HGF: variants seen among roughly 807,000 people sequenced by gnomAD.
The protein encoded by HGF is fibroblast-derived tumor cytotoxic factor.
Under a neutral mutation model 111.6 loss-of-function variants are expected in HGF, and 39 were observed. The observed-to-expected ratio is 0.35, with a 90% confidence interval of 0.27 to 0.46. HGF has a LOEUF of 0.46. HGF is among the 20% of genes least tolerant of loss of function. The probability of loss-of-function intolerance (pLI) is 1.00; values close to 1 mark genes in which losing one functional copy is unlikely to be tolerated. For synonymous variants in HGF, 285 were observed against 294.8 expected, an observed-to-expected ratio of 0.97 and a Z score of 0.34; for missense variants, 735 against 910.5, an observed-to-expected ratio of 0.81 and a Z score of 2.48.
At chr7:81,751,284 G>A in intron 5 of HGF, 1 of 984,774 alleles carries the variant, frequency 1.0e-6, no homozygotes, top group Non-Finnish European at 1.2e-6. Context: ...TTTCATCCAT[G>A]TTTCACTTAG....
At chr7:81,751,651 C>T (rs1788510472) in intron 5 of HGF, 2 of 999,564 alleles carry the variant, frequency 2.0e-6, no homozygotes, top group African/African-American at 1.7e-5. Flanking sequence ...CCAGTGATCC[C>T]TTCTTATATT....
chr7:81,761,091 C>G (rs1441247090), intron 2 of HGF, among the ~76,000 whole-genome samples: 1 of 152,108 alleles, frequency 6.6e-6, no homozygotes, highest in Non-Finnish European at 1.5e-5. Context: ...TCCCTTTTCC[C>G]TGCCCTTCCA....
At chr7:81,759,396 T>C (rs1381011859) in intron 2 of HGF, among the ~76,000 whole-genome samples, 1 of 152,236 alleles carries the variant, frequency 6.6e-6, no homozygotes, top group Non-Finnish European at 1.5e-5. Context: ...TATAATGTAA[T>C]TTTTTGGTGA....
At chr7:81,728,446 T>A (rs1265619642) in intron 8 of HGF, among the ~76,000 whole-genome samples, 1 of 152,228 alleles carries the variant, frequency 6.6e-6, no homozygotes, top group Non-Finnish European at 1.5e-5. Context: ...AAAATGTGAA[T>A]GGCAGTGACA....
chr7:81,745,108 G>T lies in HGF; in HGVS notation c.638C>A (p.Thr213Asn), dbSNP rs144136982. The change falls in exon 6 of 18, where the codon ACC becomes AAC. Residue 213 changes from threonine (T) to asparagine (N), a missense_variant. Thr to Asn is a moderately conservative substitution (Grantham distance 65, BLOSUM62 0). Transcript: ENST00000222390. ...IPQCSEVECM[T>N]CNGESYRGLM... is the part of the protein sequence containing the mutation. Reference sequence around the variant, plus strand: ...ACCTCGATAACTCTCCCCATTGCAGGTCATGCATTCAACTAATAAAATTAA... The same window carrying T: ...ACCTCGATAACTCTCCCCATTGCAGTTCATGCATTCAACTAATAAAATTAA... The T allele has an allele frequency of 6.2e-7, 1 of 1,613,722 alleles. No homozygotes were observed.
chr7:81,725,055 C>T (rs1789969166), intron 9 of HGF, among the ~76,000 whole-genome samples: 1 of 152,210 alleles, frequency 6.6e-6, no homozygotes, highest in South Asian at 2.1e-4. Context: ...GAAACAACCA[C>T]TTCATTGGTT....
chr7:81,722,304 C>T (rs1789884784), intron 9 of HGF, among the ~76,000 whole-genome samples: 2 of 151,590 alleles, frequency 1.3e-5, no homozygotes, highest in African/African-American at 4.8e-5. Context: ...GCTGGGATTA[C>T]AGGCATGCAT....
At chr7:81,735,537 T>C (rs1197287201) in intron 7 of HGF, among the ~76,000 whole-genome samples, 1 of 152,124 alleles carries the variant, frequency 6.6e-6, no homozygotes, top group Non-Finnish European at 1.5e-5. Context: ...GTAAAAATTA[T>C]TTTGTAATTG....
chr7:81,752,891 A>G (rs2116131568), intron 4 of HGF, among the ~76,000 whole-genome samples: 1 of 152,178 alleles, frequency 6.6e-6, no homozygotes, highest in Non-Finnish European at 1.5e-5. Flanking sequence ...AACCTTTAAC[A>G]TCTTACACCT....
chr7:81,762,921 T>G (rs1023182595), intron 1 of HGF, 49 bp from the exon 2 acceptor site: 2 of 1,074,640 alleles, frequency 1.9e-6, no homozygotes, highest in African/African-American at 3.1e-5. Context: ...AGAAATGTTT[T>G]TAAGGCTCAT....
rs5745764 is a variant in HGF at position 81,702,917 on chromosome 7, T to C, written c.2011-160A>G. On this transcript the variant is annotated intron_variant, in intron 17 of 17. Transcript: ENST00000222390. ...AAAAATTAGTGTACTAGACATTTGT[T>C]GACTTTCTACTGAATTAGCCAAGAC... 9.5e-3 allele frequency among the ~76,000 whole-genome samples: 1,436 copies of C among 151,880 alleles called. 20 individuals carry two copies. The highest frequency in any genetic ancestry group is 0.033 in the African/African-American group (1,371 of 41,530).
chr7:81,762,769 C>T lies in HGF; in HGVS notation c.192G>A (p.Val64=). The part of the protein sequence containing the change: ...DPALKIKTKK[V]NTADQCANRC... ...TATTAGCACATTGGTCTGCAGTATT[C>T]ACTTTTTTGGTTTTTATCTTCAGTG... is the stretch of plus-strand genomic sequence containing the variant. Residue 64 remains valine, a synonymous_variant, in exon 2 of 18, where the codon GTG becomes GTA. Transcript: ENST00000222390. The T allele has an allele frequency of 1.2e-6, 2 of 1,612,680 alleles. No individual in the cohort carries two copies. Among genetic ancestry groups the T allele is most frequent in the Non-Finnish European group, 8.5e-7 (1 of 1,178,870 alleles).
intron 5 of HGF, among the ~76,000 whole-genome samples, chr7:81,746,523 G>C (rs1272485031): frequency 6.6e-6 from 1 of 152,136 alleles, no homozygotes; most frequent in East Asian, 1.9e-4. Context: ...CAAAGAAAAT[G>C]ATGCAGCATT....
chr7:81,703,852 T>C (rs1789352606), intron 17 of HGF, among the ~76,000 whole-genome samples: 1 of 151,542 alleles, frequency 6.6e-6, no homozygotes, highest in Admixed American at 6.6e-5. Flanking sequence ...AGGGGTAAAG[T>C]AGAATTTCAC....
chr7:81,760,192 T>A (rs1407922540), intron 2 of HGF, among the ~76,000 whole-genome samples: 1 of 152,238 alleles, frequency 6.6e-6, no homozygotes, highest in African/African-American at 2.4e-5. Flanking sequence ...CTAGTTGTAA[T>A]CTTTTCCACA....
At position 81,731,360 on chromosome 7, in the gene HGF, C is replaced by T. The variant is rs369994455; in HGVS notation, c.866-1581G>A. Among the ~76,000 whole-genome samples, 10 of 152,072 alleles carry T rather than the reference C, an allele frequency of 6.6e-5. No homozygotes were observed. The East Asian group carries it at 1.5e-3, about 24-fold the overall frequency. Reference sequence around the variant, plus strand: ...AGAAATATCCAAACTTAAAAAGAAACTCAAATGAAGATGAAAAATGTTCAG... The same window carrying T: ...AGAAATATCCAAACTTAAAAAGAAATTCAAATGAAGATGAAAAATGTTCAG... On this transcript the variant is annotated intron_variant, in intron 7 of 17. Transcript: ENST00000222390.
Position 81,755,551 on chromosome 7 carries a change from G to A in HGF, c.482+1638C>T, listed in dbSNP as rs143116149. On this transcript the variant is annotated intron_variant, in intron 4 of 17. Transcript: ENST00000222390. ...AATTACTCCTCCAGCAGAGAATCAC[G>A]ATCATAGAAAACTCAGGGTGAAATA... 6.8e-4 allele frequency: 104 copies of A among 153,086 alleles called. 1 individual carries two copies. The highest frequency in any genetic ancestry group is 2.2e-3 in the Admixed American group (34 of 15,294). 9.5% of individuals were successfully genotyped at this position (153,086 alleles called of 1,614,324 possible).
intron 5 of HGF, among the ~76,000 whole-genome samples, chr7:81,745,951 A>C (rs1410607896): frequency 6.6e-6 from 1 of 152,230 alleles, no homozygotes; most frequent in Non-Finnish European, 1.5e-5. Context: ...TTTGTAGCAC[A>C]GAAAGCATCC....
chr7:81,741,782 T>C (rs747344555), intron 7 of HGF, among the ~76,000 whole-genome samples: 105 of 151,304 alleles, frequency 6.9e-4, no homozygotes, highest in Middle Eastern at 3.4e-3. Context: ...CTACTAAAAA[T>C]ACAAAATTAG....
Sources: allele counts gnomAD v4.1 joint callset (sites outside exome capture counted in the v4.1 genomes callset), GRCh38; gene constraint gnomAD v4.1.1; transcripts MANE v1.5; gene names NCBI Gene and HGNC (gene_info 2026-07-23, HGNC 2026-07-21).